Variants in EIF4G3 observed in about 807,000 individuals in gnomAD.
EIF4G3 encodes eIF-4-gamma 3.
In EIF4G3, 34 loss-of-function variants were observed where a neutral mutation model predicts 186.4. That is an observed-to-expected ratio of 0.18 (90% CI 0.14 to 0.24). The LOEUF is 0.24. EIF4G3 is among the 10% of genes least tolerant of loss of function. EIF4G3 has a pLI of 1.00. For missense variants in EIF4G3, 1,536 were observed against 1,948.5 expected (o/e 0.79, Z 3.99); for synonymous variants, 673 against 679.5 (o/e 0.99, Z 0.15).
intron 2 of EIF4G3, among the ~76,000 whole-genome samples, chr1:21,095,624 T>C (rs1016106100): frequency 6.6e-6 from 1 of 152,178 alleles, no homozygotes; most frequent in Non-Finnish European, 1.5e-5. Context: ...ATATTAGATT[T>C]TTAACAAATC....
intron 14 of EIF4G3, among the ~76,000 whole-genome samples, chr1:20,922,380 C>T (rs1346681572): frequency 6.6e-6 from 1 of 152,148 alleles, no homozygotes; most frequent in Non-Finnish European, 1.5e-5. Flanking sequence ...TCTCCGCCAC[C>T]TCTGCCTCCC....
At chr1:21,103,483 G>A (rs898458525) in intron 2 of EIF4G3, among the ~76,000 whole-genome samples, 1 of 152,148 alleles carries the variant, frequency 6.6e-6, no homozygotes, top group Non-Finnish European at 1.5e-5. Flanking sequence ...GGAGATGAAT[G>A]GGTAAATGGT....
intron 4 of EIF4G3, among the ~76,000 whole-genome samples, chr1:21,015,658 T>A (rs1342440090): frequency 6.7e-6 from 1 of 149,666 alleles, no homozygotes; most frequent in East Asian, 2.0e-4. Context: ...AAGATCAAAC[T>A]GAATCATGAC....
chr1:20,967,399 A>G (rs183749841), intron 12 of EIF4G3, among the ~76,000 whole-genome samples: 1 of 152,338 alleles, frequency 6.6e-6, no homozygotes, highest in East Asian at 1.9e-4. Context: ...AACAGAGCAC[A>G]TATATAGATT....
intron 14 of EIF4G3, among the ~76,000 whole-genome samples, chr1:20,931,807 T>A (rs971560285): frequency 6.6e-6 from 1 of 151,942 alleles, no homozygotes; most frequent in African/African-American, 2.4e-5. Flanking sequence ...CATCTGTAGT[T>A]CCAGCTACTC....
intron 2 of EIF4G3, among the ~76,000 whole-genome samples, chr1:21,151,331 C>T (rs1268866826): frequency 1.4e-5 from 2 of 139,420 alleles, no homozygotes; most frequent in Non-Finnish European, 3.0e-5. Flanking sequence ...CTCTGCCTCC[C>T]GGGTTCACGC....
chr1:21,086,486 A>G (rs2095984359), intron 3 of EIF4G3, among the ~76,000 whole-genome samples: 1 of 152,068 alleles, frequency 6.6e-6, no homozygotes, highest in Non-Finnish European at 1.5e-5. Flanking sequence ...ACGCCTCTGG[A>G]TCTTCACTTC....
At chr1:20,840,783 G>A (rs1315729202) in intron 30 of EIF4G3, 73 bp downstream of exon 30, 5 of 1,392,738 alleles carry the variant, frequency 3.6e-6, no homozygotes, top group African/African-American at 1.4e-5. Context: ...TACTTAAAGA[G>A]GTAAGTACTT....
At chr1:21,108,989 G>A (rs534660315) in intron 2 of EIF4G3, among the ~76,000 whole-genome samples, 2 of 151,714 alleles carry the variant, frequency 1.3e-5, no homozygotes, top group East Asian at 1.9e-4. Flanking sequence ...AGGATGAGGC[G>A]GGTGGATCGC....
intron 20 of EIF4G3, among the ~76,000 whole-genome samples, chr1:20,872,997 A>G (rs965113306): frequency 3.9e-5 from 6 of 152,200 alleles, no homozygotes; most frequent in African/African-American, 2.4e-5. Context: ...CTGGCCTCCC[A>G]AAGTGCTGGA....
chr1:20,840,415 A>G (rs2068193458), intron 30 of EIF4G3, among the ~76,000 whole-genome samples: 1 of 152,274 alleles, frequency 6.6e-6, no homozygotes, highest in South Asian at 2.1e-4. Flanking sequence ...GAGTGGGCAC[A>G]CAAGTGCTTC....
chr1:21,056,407 G>A (rs1352180235), intron 3 of EIF4G3, among the ~76,000 whole-genome samples: 2 of 152,124 alleles, frequency 1.3e-5, no homozygotes, highest in East Asian at 3.8e-4. Context: ...ACTGCATTAG[G>A]CATTCCATAT....
At chr1:20,821,657 CCTTCCCTATTACGTATA>C (rs1038140458) in intron 33 of EIF4G3, among the ~76,000 whole-genome samples, 20 of 151,338 alleles carry the variant, frequency 1.3e-4, no homozygotes, top group South Asian at 4.2e-4. Context: ...TACTTCACCA[CCTTCCCTATTACGTATA>C]CTTCCCTATT....
intron 10 of EIF4G3, among the ~76,000 whole-genome samples, chr1:20,974,294 A>C (rs2076422926): frequency 6.6e-6 from 1 of 152,250 alleles, no homozygotes; most frequent in African/African-American, 2.4e-5. Flanking sequence ...TACAGATAGA[A>C]AAGAAGCCCA....
chr1:21,125,804 A>AGT (rs2097028615), intron 2 of EIF4G3, among the ~76,000 whole-genome samples: 1 of 131,548 alleles, frequency 7.6e-6, no homozygotes, highest in African/African-American at 2.7e-5. Flanking sequence ...ACACACACAC[A>AGT]CTCTTATTAG....
chr1:20,808,403 C>T (rs1352374932), intron 36 of EIF4G3, among the ~76,000 whole-genome samples: 2 of 151,602 alleles, frequency 1.3e-5, no homozygotes. Context: ...AAGAGGTGGC[C>T]GGGCGCGGTG....
At chr1:20,996,534 G>T (rs2082317610) in intron 7 of EIF4G3, among the ~76,000 whole-genome samples, 1 of 152,100 alleles carries the variant, frequency 6.6e-6, no homozygotes, top group Admixed American at 6.6e-5. Flanking sequence ...ACAGAGTCAG[G>T]TATTAAATCA....
At chr1:20,904,832 T>C in intron 15 of EIF4G3, 51 bp downstream of exon 15, 3 of 1,407,150 alleles carry the variant, frequency 2.1e-6, no homozygotes, top group Non-Finnish European at 3.0e-6. Context: ...CACATACCTG[T>C]CTATGAAATG....
At chr1:21,071,986 C>A (rs2095456408) in intron 3 of EIF4G3, among the ~76,000 whole-genome samples, 1 of 152,142 alleles carries the variant, frequency 6.6e-6, no homozygotes, top group African/African-American at 2.4e-5. Context: ...ATTATTTCTA[C>A]AAACAACTTC....
Sources: allele counts gnomAD v4.1 joint callset (sites outside exome capture counted in the v4.1 genomes callset), GRCh38; gene constraint gnomAD v4.1.1; transcripts MANE v1.5; gene names NCBI Gene and HGNC (gene_info 2026-07-23, HGNC 2026-07-21).